The following CDH13 variants were observed in gnomAD, a reference collection of about 807,000 sequenced individuals.
CDH13 encodes cadherin-13.
CDH13 carries 24 observed loss-of-function variants against 63.8 expected under a neutral mutation model. That is an observed-to-expected ratio of 0.38 (90% CI 0.27 to 0.53). The LOEUF (loss-of-function observed/expected upper bound fraction) is 0.53, where lower values mean the gene tolerates loss of function less well. CDH13 is among the 20% of genes least tolerant of loss of function. The pLI, the probability that CDH13 is intolerant of heterozygous loss-of-function variation, is 0.85. For missense variants in CDH13, 1,049 were observed against 903.1 expected (o/e 1.16, Z -2.07); for synonymous variants, 503 against 355.3 (o/e 1.42, Z -4.67).
intron 10 of CDH13, among the ~76,000 whole-genome samples, chr16:83,743,831 C>T (rs963266012): frequency 2.3e-5 from 3 of 131,170 alleles, no homozygotes; most frequent in African/African-American, 5.7e-5. Context: ...AAACCTTTAC[C>T]GGGCACCGTC....
intron 5 of CDH13, among the ~76,000 whole-genome samples, chr16:83,318,375 A>G (rs1359575525): frequency 6.6e-6 from 1 of 152,142 alleles, no homozygotes; most frequent in Non-Finnish European, 1.5e-5. Context: ...GCCTTCAGCT[A>G]TTAATTAAAG....
chr16:82,840,684 CA>C (rs753429857), intron 1 of CDH13, among the ~76,000 whole-genome samples: 1,509 of 86,668 alleles, frequency 0.017, 12 homozygotes, highest in African/African-American at 0.055. Context: ...GAATCCATCT[CA>C]AAAAAAAAAA....
chr16:83,743,236 G>A (rs185740108), intron 10 of CDH13, among the ~76,000 whole-genome samples: 3 of 152,118 alleles, frequency 2.0e-5, no homozygotes, highest in Non-Finnish European at 4.4e-5. Flanking sequence ...AGCAAACAGA[G>A]GGGAGCAGAA....
At chr16:83,235,134 G>C (rs1017033115) in intron 5 of CDH13, among the ~76,000 whole-genome samples, 9 of 152,198 alleles carry the variant, frequency 5.9e-5, no homozygotes, top group African/African-American at 2.2e-4. Context: ...GAGCCTGGGA[G>C]TTCAAGGCTG....
chr16:82,780,604 G>A (rs2035708753), intron 1 of CDH13, among the ~76,000 whole-genome samples: 1 of 152,136 alleles, frequency 6.6e-6, no homozygotes, highest in Admixed American at 6.5e-5. Flanking sequence ...TTAAAATAGA[G>A]TAGCATACCT....
intron 3 of CDH13, among the ~76,000 whole-genome samples, chr16:83,108,295 C>T (rs1484965131): frequency 6.6e-6 from 1 of 152,172 alleles, no homozygotes; most frequent in Non-Finnish European, 1.5e-5. Flanking sequence ...TCTGTCCATG[C>T]CCCACCTGTA....
intron 11 of CDH13, among the ~76,000 whole-genome samples, chr16:83,748,879 G>C (rs1912835765): frequency 1.3e-5 from 2 of 152,206 alleles, no homozygotes; most frequent in South Asian, 4.1e-4. Flanking sequence ...ATTGTTCTCT[G>C]CTCCTTTGAG....
chr16:83,527,584 C>T lies in CDH13; in HGVS notation c.960+40929C>T, dbSNP rs898768291. On this transcript the variant is annotated intron_variant, in intron 7 of 13. Coordinates refer to ENST00000567109, the MANE Select transcript of CDH13 (RefSeq NM_001257.5). ...AGAAACGGCCCAGGGCAACTACATC[C>T]GTTTGATGGCATTATAGAGATGGCC... Among the ~76,000 whole-genome samples the T allele has an allele frequency of 5.9e-5, 9 of 152,300 alleles. 1 individual carries two copies. Among genetic ancestry groups the T allele is most frequent in the East Asian group, 3.9e-4 (2 of 5,182 alleles).
chr16:83,216,493 A>G (rs2039534932), intron 4 of CDH13, among the ~76,000 whole-genome samples: 1 of 133,100 alleles, frequency 7.5e-6, no homozygotes, highest in African/African-American at 2.7e-5. Flanking sequence ...TTTATTTATT[A>G]TATATATTTA....
chr16:82,990,547 G>GT (rs369121464), intron 2 of CDH13, among the ~76,000 whole-genome samples: 21,958 of 139,790 alleles, frequency 0.16, 2,019 homozygotes, highest in Non-Finnish European at 0.22. Flanking sequence ...TTTGGTTTGG[G>GT]TTTTTTTTTT....
chr16:82,849,784 T>C (rs1597794926), intron 1 of CDH13, among the ~76,000 whole-genome samples: 2 of 152,296 alleles, frequency 1.3e-5, no homozygotes, highest in East Asian at 3.9e-4. Context: ...ATTGCAAACA[T>C]CTTAGGGCCC....
chr16:83,092,295 C>T (rs1242678082), intron 3 of CDH13, among the ~76,000 whole-genome samples: 1 of 152,232 alleles, frequency 6.6e-6, no homozygotes, highest in Non-Finnish European at 1.5e-5. Flanking sequence ...ATGCCTCCCA[C>T]TGTCACCGTG....
At chr16:83,783,131 G>T (rs746295659) in intron 12 of CDH13, 123 bp from the exon 13 acceptor site, 4 of 678,152 alleles carry the variant, frequency 5.9e-6, no homozygotes, top group Non-Finnish European at 1.0e-5. Context: ...TTAAATGTAA[G>T]CATTCGCACA....
intron 10 of CDH13, among the ~76,000 whole-genome samples, chr16:83,724,702 C>T (rs1910172091): frequency 6.6e-6 from 1 of 152,206 alleles, no homozygotes; most frequent in South Asian, 2.1e-4. Context: ...CTCTCCTAGA[C>T]ACCTGTATCC....
chr16:83,473,927 G>A (rs771550434), intron 6 of CDH13, among the ~76,000 whole-genome samples: 12 of 152,140 alleles, frequency 7.9e-5, no homozygotes, highest in Non-Finnish European at 1.8e-4. Context: ...TTAAATGCTT[G>A]CAATGCCCTG....
At chr16:83,526,468 C>G (rs926161293) in intron 7 of CDH13, among the ~76,000 whole-genome samples, 1 of 152,172 alleles carries the variant, frequency 6.6e-6, no homozygotes, top group African/African-American at 2.4e-5. Context: ...AGCATGCAAG[C>G]TAGATCCCTT....
chr16:83,141,598 C>G (rs184414398), intron 4 of CDH13, among the ~76,000 whole-genome samples: 12 of 152,200 alleles, frequency 7.9e-5, no homozygotes, highest in African/African-American at 2.9e-4. Context: ...CTTGCTGCAC[C>G]TATCAACCCA....
At position 83,125,439 on chromosome 16, in the gene CDH13, G is replaced by T; in HGVS notation, c.421G>T (p.Val141Leu). The change falls in exon 4 of 14, where the codon GTG becomes TTG. Residue 141 changes from valine to leucine, a missense_variant. Physicochemically the swap from Val to Leu is conservative, Grantham distance 32. Transcript: ENST00000567109. The stretch of plus-strand genomic sequence containing the variant: ...TGTCCCAAGACAAAAGAGGTCCATT[G>T]TGGTATCTCCCATTTTAATTCCAGA... The part of the protein sequence containing the change: ...SPVPRQKRSI[V>L]VSPILIPENQ... The T allele has an allele frequency of 1.2e-6, 2 of 1,612,548 alleles. No homozygotes were observed. Among genetic ancestry groups the T allele is most frequent in the Non-Finnish European group, 1.7e-6 (2 of 1,178,612 alleles).
At chr16:83,508,119 A>AAGGGAGGG (rs140872284) in intron 7 of CDH13, among the ~76,000 whole-genome samples, 32,493 of 73,370 alleles carry the variant, frequency 0.44, 7,562 homozygotes, top group East Asian at 0.73. Context: ...AAAAGGAAGG[A>AAGGGAGGG]AGGGAGGAAG....
Sources: allele counts gnomAD v4.1 joint callset (sites outside exome capture counted in the v4.1 genomes callset), GRCh38; gene constraint gnomAD v4.1.1; transcripts MANE v1.5; gene names NCBI Gene and HGNC (gene_info 2026-07-23, HGNC 2026-07-21).